BPIFB2: variants seen among roughly 807,000 people sequenced by gnomAD.
The protein encoded by BPIFB2 is BPI fold-containing family B member 2.
Under a neutral mutation model 50.1 loss-of-function variants are expected in BPIFB2, and 39 were observed. The ratio of observed to expected loss-of-function variants is 0.78; its 90% CI spans 0.60 to 1.02. BPIFB2 has a LOEUF of 1.02. BPIFB2 is among the 50% of genes least tolerant of loss of function. The probability of loss-of-function intolerance (pLI) is 0.00; values close to 1 mark genes in which losing one functional copy is unlikely to be tolerated. For missense variants in BPIFB2, 574 were observed against 585.8 expected, an observed-to-expected ratio of 0.98 and a Z score of 0.21; for synonymous variants, 280 against 256.3, an observed-to-expected ratio of 1.09 and a Z score of -0.88.
Position 33,019,757 on chromosome 20 carries a change from G to C in BPIFB2, c.1080+7G>C. 1 of 1,581,174 alleles carries C rather than the reference G, an allele frequency of 6.3e-7. No individual in the cohort carries two copies. Among genetic ancestry groups the C allele is most frequent in the Non-Finnish European group, 8.6e-7 (1 of 1,161,016 alleles). ...CCTCTTCTCCCTGGATGTGGTGAGT[G>C]CGGTGGGGCTGGTCGGAAGGCAGGC... On this transcript the variant is annotated splice_region_variant and intron_variant, in intron 11 of 15. Coordinates refer to ENST00000170150, the MANE Select transcript of BPIFB2 (RefSeq NM_025227.3).
chr20:33,014,059 G>T, intron 5 of BPIFB2, 103 bp downstream of exon 5: 1 of 1,416,828 alleles, frequency 7.1e-7, no homozygotes, highest in Non-Finnish European at 9.4e-7. Flanking sequence ...GGCCACAAGG[G>T]CCTCAGGGGC....
At position 33,014,771 on chromosome 20, in the gene BPIFB2, G is replaced by A. The variant is rs59114677; in HGVS notation, c.456-665G>A. Among the ~76,000 whole-genome samples, 6 of 152,324 alleles carry A rather than the reference G, an allele frequency of 3.9e-5. No individual in the cohort carries two copies. In the East Asian group the frequency reaches 5.8e-4, roughly 15 times the overall value. ...GCGTAAACCCATTCACACTTGTGTC[G>A]CATGATCACCACGTGTGACTCACGA... On this transcript the variant is annotated intron_variant, in intron 5 of 15. Transcript: ENST00000170150.
intron 4 of BPIFB2, among the ~76,000 whole-genome samples, chr20:33,013,381 T>TCTAC (rs1990315059): frequency 6.6e-6 from 1 of 152,204 alleles, no homozygotes; most frequent in African/African-American, 2.4e-5. Flanking sequence ...ATCTAGCTTC[T>TCTAC]CTACCCTGAC....
intron 6 of BPIFB2, 51 bp downstream of exon 6, chr20:33,015,547 G>C (rs988173272): frequency 6.7e-7 from 1 of 1,489,142 alleles, no homozygotes; most frequent in African/African-American, 1.4e-5. Flanking sequence ...TCACCGAGAA[G>C]GCACAGTGAA....
chr20:33,012,628 G>T (rs1270224308), intron 3 of BPIFB2, among the ~76,000 whole-genome samples, 175 bp from the exon 4 acceptor site: 6 of 152,164 alleles, frequency 3.9e-5, no homozygotes, highest in South Asian at 2.1e-4. Context: ...GTCCAACCTT[G>T]GTTTGCATGC....
rs936866827 is a variant in BPIFB2, at chr20:33,023,607, C to G, written c.*224C>G. The G allele has an allele frequency of 3.1e-5, 19 of 619,516 alleles. No homozygotes were observed. Among genetic ancestry groups the G allele is most frequent in the African/African-American group, 2.9e-4 (16 of 54,610 alleles). The allele number at this position is 619,516 out of a possible 1,614,324, so 38.4% of individuals were successfully genotyped here. A position where few individuals can be genotyped will look rare whatever the true frequency, so the allele number is the denominator to read the frequency against. ...TCTCCTCCCTCTTCCCTCATCTCCC[C>G]CCTCCTTCCTCTGCCCCACCCCAGC... On this transcript the variant is annotated 3_prime_UTR_variant, in exon 16 of 16. Coordinates refer to ENST00000170150, the MANE Select transcript of BPIFB2 (RefSeq NM_025227.3).
At chr20:33,011,986 AAAAAAC>A (rs907598698) in intron 3 of BPIFB2, among the ~76,000 whole-genome samples, 3 of 152,220 alleles carry the variant, frequency 2.0e-5, no homozygotes, top group Admixed American at 2.0e-4. Context: ...TCTCAAAACA[AAAAAAC>A]AAAAACAAAA....
chr20:33,014,282 C>T (rs1330147976), intron 5 of BPIFB2, among the ~76,000 whole-genome samples: 1 of 152,186 alleles, frequency 6.6e-6, no homozygotes, highest in East Asian at 1.9e-4. Flanking sequence ...ACCCACCCCT[C>T]CTAGCAGAGA....
intron 10 of BPIFB2, 34 bp downstream of exon 10, chr20:33,019,149 G>A (rs764249611): frequency 6.2e-7 from 1 of 1,613,364 alleles, no homozygotes; most frequent in South Asian, 1.1e-5. Context: ...CAGGGACTGA[G>A]ACAAGGGACT....
At position 33,020,353 on chromosome 20, in the gene BPIFB2, C is replaced by G. The variant is rs1418082923; in HGVS notation, c.1106C>G (p.Ser369Cys). Reference protein sequence around the residue: ...DVVVNLRLQLSVSKVKLQGTT... With the variant: ...DVVVNLRLQLCVSKVKLQGTT... ...GTAGTGAACTTGAGACTCCAGCTCTCTGTGTCCAAGGTGAAGCTTCAGGGG... is the reference window on the plus strand; with the variant it reads ...GTAGTGAACTTGAGACTCCAGCTCTGTGTGTCCAAGGTGAAGCTTCAGGGG... Residue 369 changes from serine to cysteine, a missense_variant, in exon 12 of 16, where the codon TCT becomes TGT. Transcript: ENST00000170150. The G allele has an allele frequency of 1.2e-6, 2 of 1,614,146 alleles. No individual in the cohort carries two copies. Among genetic ancestry groups the G allele is most frequent in the Admixed American group, 1.7e-5 (1 of 60,028 alleles).
chr20:33,019,534 G>C (rs71348800), intron 10 of BPIFB2, 46 bp from the exon 11 acceptor site: 4 of 1,525,610 alleles, frequency 2.6e-6, no homozygotes, highest in African/African-American at 2.8e-5. Context: ...CAGAGAGCCC[G>C]CCAGCCGCTG....
Position 33,009,976 on chromosome 20 carries a change from A to G in BPIFB2, c.110-1048A>G, listed in dbSNP as rs933252436. ...GGTGTGAGTTCCAGCTCAGCTGCAGATGGTTAGGTGGGAGAGGGGTGCTGG... is the reference window on the plus strand; with the variant it reads ...GGTGTGAGTTCCAGCTCAGCTGCAGGTGGTTAGGTGGGAGAGGGGTGCTGG... On this transcript the variant is annotated intron_variant, in intron 2 of 15. Coordinates refer to ENST00000170150, the MANE Select transcript of BPIFB2 (RefSeq NM_025227.3). This position sits in a 1 kb window ranked among gnomAD's most constrained non-coding sequence, Gnocchi z 4.2. 6.6e-6 allele frequency among the ~76,000 whole-genome samples: 1 copy of G among 152,162 alleles called. No individual in the cohort carries two copies. The highest frequency in any genetic ancestry group is 1.5e-5 in the Non-Finnish European group (1 of 68,022).
At position 33,023,283 on chromosome 20, in the gene BPIFB2, C is replaced by T. The variant is rs58886827; in HGVS notation, c.1336-59C>T. 6,764 of 1,535,154 alleles carry T rather than the reference C, an allele frequency of 4.4e-3. 231 individuals are homozygous for T. The African/African-American group carries it at 0.079, about 18-fold the overall frequency. ...AGAACTCAGAGCCAGGCTGAGGGGG[C>T]GGCTGGGGTCCTGCCTGTGCCTCCT... On this transcript the variant is annotated intron_variant, in intron 15 of 15. Coordinates refer to ENST00000170150, the MANE Select transcript of BPIFB2 (RefSeq NM_025227.3).
chr20:33,018,436 G>A, intron 8 of BPIFB2, 86 bp downstream of exon 8: 4 of 1,371,732 alleles, frequency 2.9e-6, no homozygotes, highest in South Asian at 1.3e-5. Context: ...AGGAGCGGGG[G>A]AGTGGGAAAG....
At chr20:33,019,486 G>A (rs1476256991) in intron 10 of BPIFB2, 94 bp from the exon 11 acceptor site, 12 of 1,358,212 alleles carry the variant, frequency 8.8e-6, no homozygotes, top group East Asian at 5.0e-5. Context: ...CACATACAGC[G>A]CCATGGTGGC....
chr20:33,007,944 A>T (rs780692451), intron 1 of BPIFB2, among the ~76,000 whole-genome samples, 184 bp downstream of exon 1: 9 of 151,604 alleles, frequency 5.9e-5, no homozygotes, highest in Non-Finnish European at 1.0e-4. Flanking sequence ...GCAGTCCCTC[A>T]CTCCTGCCTG....
At chr20:33,012,000 AAAAC>A (rs746962883) in intron 3 of BPIFB2, among the ~76,000 whole-genome samples, 57 of 152,318 alleles carry the variant, frequency 3.7e-4, no homozygotes, top group Non-Finnish European at 6.3e-4. Context: ...AACAAAAACA[AAAAC>A]AAACAAACAA....
At chr20:33,020,169 A>G (rs1381586231) in intron 11 of BPIFB2, among the ~76,000 whole-genome samples, 159 bp from the exon 12 acceptor site, 1 of 152,120 alleles carries the variant, frequency 6.6e-6, no homozygotes, top group Non-Finnish European at 1.5e-5. Context: ...CCTTGTTCAC[A>G]CTGTGTTGTT....
chr20:33,023,329 C>T lies in BPIFB2; in HGVS notation c.1336-13C>T, dbSNP rs770243064. 5.8e-5 allele frequency: 93 copies of T among 1,613,504 alleles called. No individual in the cohort carries two copies. The highest frequency in any genetic ancestry group is 7.8e-5 in the Non-Finnish European group (92 of 1,179,680). On this transcript the variant is annotated splice_polypyrimidine_tract_variant and intron_variant, in intron 15 of 15. Transcript: ENST00000170150. The stretch of plus-strand genomic sequence containing the variant: ...CTCCTCTGACCTGGTCCATGGTTTC[C>T]TTTGCCCTTCAGGGCTACGTGGTGA...
Sources: gnomAD v4.1 joint callset for allele counts (sites outside exome capture counted in the v4.1 genomes callset) on GRCh38, gnomAD v4.1.1 for gene constraint, Gnocchi (gnomAD v3.1) non-coding constraint, MANE v1.5 for transcripts, NCBI Gene and HGNC (gene_info 2026-07-23, HGNC 2026-07-21) for gene names.